The following TBC1D8 variants were observed in gnomAD, a reference collection of about 807,000 sequenced individuals.
TBC1D8 encodes the protein BUB2-like protein 1.
TBC1D8 carries 65 observed loss-of-function variants against 118.8 expected under a neutral mutation model. The ratio of observed to expected loss-of-function variants is 0.55; its 90% confidence interval spans 0.45 to 0.67. The LOEUF is 0.67. Ranked by LOEUF, TBC1D8 falls within the 30% of genes least tolerant of loss-of-function variation. The probability of loss-of-function intolerance (pLI) is 0.00; values close to 1 mark genes in which losing one functional copy is unlikely to be tolerated. For synonymous variants in TBC1D8, 566 were observed against 595.8 expected (o/e 0.95, Z 0.73); for missense variants, 1,376 against 1,471.2 (o/e 0.94, Z 1.06).
In TBC1D8 at chr2:101,139,361, G is replaced by A. The variant is rs75998022; in HGVS notation, c.127+11766C>T. Among the ~76,000 whole-genome samples, 2,052 of 150,182 alleles carry A rather than the reference G, an allele frequency of 0.014. 110 individuals carry two copies. In the East Asian group the frequency reaches 0.14, roughly 11 times the overall value. On this transcript the variant is annotated intron_variant, in intron 1 of 19. Coordinates refer to ENST00000409318, the MANE Select transcript of TBC1D8 (RefSeq NM_001330348.2). ...AACACCACCACATCCCACCTTGAGA[G>A]AACTGCCTTCATCCGCCATCCCTAC...
chr2:101,119,532 G>A (rs1365588879), intron 1 of TBC1D8, among the ~76,000 whole-genome samples: 2 of 152,200 alleles, frequency 1.3e-5, no homozygotes, highest in East Asian at 1.9e-4. Flanking sequence ...TTCTAGAGCA[G>A]GGGTTCTCAA....
rs957185572 is a variant in TBC1D8 at position 101,075,631 on chromosome 2, G to T, written c.283+14578C>A. Among the ~76,000 whole-genome samples the T allele has an allele frequency of 1.3e-5, 2 of 152,240 alleles. 1 individual carries two copies. Among genetic ancestry groups the T allele is most frequent in the Admixed American group, 1.3e-4 (2 of 15,274 alleles). On this transcript the variant is annotated intron_variant, in intron 2 of 19. Coordinates refer to ENST00000409318, the MANE Select transcript of TBC1D8 (RefSeq NM_001330348.2). ...TCTTTGCTCAGCACTTCTCCTTCCT[G>T]CTGCCTTGTGAAGAAAGTGCCTTGC...
intron 17 of TBC1D8, chr2:101,017,847 A>T: frequency 1.3e-6 from 2 of 1,550,786 alleles, no homozygotes; most frequent in Non-Finnish European, 1.7e-6. Context: ...GCTACATGCA[A>T]TTCCCAATTA....
intron 1 of TBC1D8, among the ~76,000 whole-genome samples, chr2:101,136,476 T>A (rs1462945863): frequency 6.6e-6 from 1 of 152,160 alleles, no homozygotes; most frequent in Non-Finnish European, 1.5e-5. Flanking sequence ...CTTTTCTTTA[T>A]AAATTCCCAG....
At chr2:101,069,614 A>G (rs1470456953) in intron 2 of TBC1D8, among the ~76,000 whole-genome samples, 1 of 152,152 alleles carries the variant, frequency 6.6e-6, no homozygotes, top group Non-Finnish European at 1.5e-5. Context: ...AAACAAACCA[A>G]TAACTAGAAA....
At chr2:101,099,552 A>G (rs182023669) in intron 1 of TBC1D8, among the ~76,000 whole-genome samples, 2 of 152,358 alleles carry the variant, frequency 1.3e-5, no homozygotes, top group East Asian at 3.9e-4. Flanking sequence ...GAAGAGACAC[A>G]ACAAAAGAAA....
At chr2:101,050,671 A>G (rs957602533) in intron 4 of TBC1D8, 30 bp from the exon 5 acceptor site, 2 of 1,599,664 alleles carry the variant, frequency 1.3e-6, no homozygotes, top group Admixed American at 1.7e-5. Flanking sequence ...AATACCTATT[A>G]TGCCATGAAA....
intron 2 of TBC1D8, among the ~76,000 whole-genome samples, chr2:101,076,200 C>G (rs1674804232): frequency 1.3e-5 from 2 of 152,150 alleles, no homozygotes; most frequent in South Asian, 4.1e-4. Context: ...AGACAAAGTT[C>G]TTCTTTACAG....
chr2:101,144,781 A>G (rs982525647), intron 1 of TBC1D8, among the ~76,000 whole-genome samples: 18 of 152,124 alleles, frequency 1.2e-4, no homozygotes, highest in African/African-American at 4.3e-4. Context: ...CTACTAAAAT[A>G]CAAAAAATTA....
chr2:101,147,867 T>C (rs1679384351), intron 1 of TBC1D8, among the ~76,000 whole-genome samples: 1 of 152,172 alleles, frequency 6.6e-6, no homozygotes, highest in Admixed American at 6.5e-5. Flanking sequence ...TGGCTGAACT[T>C]GTTACAAGAG....
At chr2:101,116,805 C>T (rs375628747) in intron 1 of TBC1D8, among the ~76,000 whole-genome samples, 6 of 152,146 alleles carry the variant, frequency 3.9e-5, no homozygotes, top group Admixed American at 3.3e-4. Flanking sequence ...CCATGCCCAA[C>T]TAATTTTTGT....
chr2:101,120,501 T>G (rs1678052673), intron 1 of TBC1D8, among the ~76,000 whole-genome samples: 1 of 152,182 alleles, frequency 6.6e-6, no homozygotes, highest in South Asian at 2.1e-4. Flanking sequence ...ATCCTATTAT[T>G]TGCACAACGA....
At chr2:101,132,907 G>A (rs1678656248) in intron 1 of TBC1D8, among the ~76,000 whole-genome samples, 1 of 151,500 alleles carries the variant, frequency 6.6e-6, no homozygotes, top group Admixed American at 6.6e-5. Context: ...TTTTTACTTT[G>A]CAATAAAAAT....
At chr2:101,036,197 A>G in intron 8 of TBC1D8, 29 bp from the exon 9 acceptor site, 1 of 1,607,238 alleles carries the variant, frequency 6.2e-7, no homozygotes, top group Non-Finnish European at 8.5e-7. Context: ...TTAATGTACA[A>G]AGAAGTCTGT....
intron 19 of TBC1D8, 50 bp from the exon 20 acceptor site, chr2:101,008,323 CATT>C (rs776878133): frequency 2.9e-6 from 4 of 1,391,710 alleles, no homozygotes; most frequent in East Asian, 4.8e-5. Flanking sequence ...GTGGAAGTGT[CATT>C]TTTTTTTTTA....
rs755769534 is a variant in TBC1D8, at chr2:101,008,182, G to A, written c.3107C>T (p.Thr1036Ile). 1.9e-6 allele frequency: 3 copies of A among 1,613,564 alleles called. No individual in the cohort carries two copies. The highest frequency in any genetic ancestry group is 1.7e-6 in the Non-Finnish European group (2 of 1,179,678). Residue 1036 changes from threonine (T) to isoleucine (I), a missense_variant, in exon 20 of 20, where the codon ACC (threonine) becomes ATC (isoleucine). Thr to Ile is a moderately conservative substitution (Grantham distance 89). Transcript: ENST00000409318. ...CTCCCCGATCTGCAGCAGCAGTGTG[G>A]TGACTGTGGCGATGGCTTGATACAA... ...NDLYQAIATV[T>I]TLLLQIGEVG...
intron 7 of TBC1D8, among the ~76,000 whole-genome samples, chr2:101,038,162 G>A (rs1024409881): frequency 5.3e-5 from 8 of 152,146 alleles, no homozygotes; most frequent in Admixed American, 1.3e-4. Flanking sequence ...CAACCTCAGG[G>A]CCGACAAAGC....
At chr2:101,117,605 GCT>G (rs1677883207) in intron 1 of TBC1D8, among the ~76,000 whole-genome samples, 1 of 136,216 alleles carries the variant, frequency 7.3e-6, no homozygotes, top group African/African-American at 2.8e-5. Context: ...ACAGAGTCTC[GCT>G]CTGTCGCCCA....
chr2:101,009,032 G>C (rs1174399759), intron 19 of TBC1D8, among the ~76,000 whole-genome samples: 3 of 152,158 alleles, frequency 2.0e-5, no homozygotes, highest in African/African-American at 7.2e-5. Context: ...CTGAAATTGA[G>C]AATACGTAAT....
Sources: allele counts gnomAD v4.1 joint callset (sites outside exome capture counted in the v4.1 genomes callset), GRCh38; gene constraint gnomAD v4.1.1; transcripts MANE v1.5; gene names NCBI Gene and HGNC (gene_info 2026-07-23, HGNC 2026-07-21).